The following LMX1A variants were observed in gnomAD, a reference collection of about 807,000 sequenced individuals.
The protein encoded by LMX1A is LIM homeobox transcription factor 1 alpha.
LMX1A carries 15 observed loss-of-function variants against 49.1 expected under a neutral mutation model. That is an observed-to-expected ratio of 0.31 (90% CI 0.20 to 0.47). The LOEUF (loss-of-function observed/expected upper bound fraction) is 0.47. Ranked by LOEUF, LMX1A falls within the 20% of genes least tolerant of loss-of-function variation. The pLI is 1.00. For synonymous variants in LMX1A, 167 were observed against 185.7 expected, an observed-to-expected ratio of 0.90 and a Z score of 0.82; for missense variants, 372 against 475.8, an observed-to-expected ratio of 0.78 and a Z score of 2.03.
intron 4 of LMX1A, among the ~76,000 whole-genome samples, chr1:165,226,182 CCTCT>C (rs930278982): frequency 6.6e-6 from 1 of 152,202 alleles, no homozygotes; most frequent in African/African-American, 2.4e-5. Flanking sequence ...AAGCCTCTCT[CCTCT>C]CTATCAGTGT....
At chr1:165,314,756 C>G (rs914279931) in intron 3 of LMX1A, among the ~76,000 whole-genome samples, 2 of 152,148 alleles carry the variant, frequency 1.3e-5, no homozygotes, top group African/African-American at 4.8e-5. Context: ...TTAAGCAAAA[C>G]TAGCAGTTTC....
chr1:165,322,896 C>T (rs1655464627), intron 3 of LMX1A, among the ~76,000 whole-genome samples: 1 of 152,294 alleles, frequency 6.6e-6, no homozygotes, highest in African/African-American at 2.4e-5. Flanking sequence ...ATTCCTATCC[C>T]TTTCTTTTCT....
intron 3 of LMX1A, among the ~76,000 whole-genome samples, chr1:165,268,015 A>C (rs139542532): frequency 7.2e-5 from 11 of 152,302 alleles, no homozygotes; most frequent in Admixed American, 1.3e-4. Flanking sequence ...GATAAGAATA[A>C]TTTTGTACTA....
chr1:165,221,007 A>G (rs1651821545), intron 4 of LMX1A, among the ~76,000 whole-genome samples: 1 of 152,104 alleles, frequency 6.6e-6, no homozygotes, highest in African/African-American at 2.4e-5. Context: ...CACTGTTTCT[A>G]CCACAACCCT....
chr1:165,247,482 T>C (rs545114232), intron 4 of LMX1A, among the ~76,000 whole-genome samples: 14 of 152,256 alleles, frequency 9.2e-5, no homozygotes, highest in African/African-American at 3.1e-4. Flanking sequence ...AGATACTCCA[T>C]ATGTTAGTGC....
intron 3 of LMX1A, among the ~76,000 whole-genome samples, chr1:165,299,650 T>C (rs1394461654): frequency 6.6e-6 from 1 of 151,660 alleles, no homozygotes; most frequent in East Asian, 1.9e-4. Context: ...AAATCGACCA[T>C]GAAGAAAAGT....
At chr1:165,244,132 C>G (rs1050340857) in intron 4 of LMX1A, among the ~76,000 whole-genome samples, 1 of 152,184 alleles carries the variant, frequency 6.6e-6, no homozygotes, top group African/African-American at 2.4e-5. Context: ...AGCTAGGGAA[C>G]TTCTGGATAG....
At chr1:165,216,066 A>G in intron 4 of LMX1A, 1 of 152,208 alleles carries the variant, frequency 6.6e-6, no homozygotes, top group East Asian at 1.9e-4. Flanking sequence ...GAGTTAAAGC[A>G]AGAATCCTCA....
intron 3 of LMX1A, among the ~76,000 whole-genome samples, chr1:165,322,431 T>C (rs1021140125): frequency 3.9e-5 from 6 of 152,178 alleles, no homozygotes; most frequent in Admixed American, 6.5e-5. Flanking sequence ...CCCAAATGTC[T>C]ACCAAATGAT....
At chr1:165,271,432 T>C (rs570359398) in intron 3 of LMX1A, among the ~76,000 whole-genome samples, 118 of 152,340 alleles carry the variant, frequency 7.7e-4, no homozygotes, top group Admixed American at 1.6e-3. Flanking sequence ...AAAATAGTTC[T>C]CCTATTGGTT....
chr1:165,242,153 T>C (rs931897678), intron 4 of LMX1A, among the ~76,000 whole-genome samples: 2 of 152,220 alleles, frequency 1.3e-5, no homozygotes, highest in African/African-American at 2.4e-5. Flanking sequence ...GCCTATTGCA[T>C]GCCAGGCACC....
At chr1:165,331,197 T>A (rs139041450) in intron 3 of LMX1A, among the ~76,000 whole-genome samples, 208 of 152,276 alleles carry the variant, frequency 1.4e-3, no homozygotes, top group African/African-American at 4.8e-3. Context: ...CTGACAAGGA[T>A]TTTAAAGCAT....
intron 3 of LMX1A, among the ~76,000 whole-genome samples, chr1:165,337,664 G>T (rs532883704): frequency 6.6e-6 from 1 of 152,054 alleles, no homozygotes; most frequent in Non-Finnish European, 1.5e-5. Context: ...TGATGTCCTT[G>T]GATTTTAAAA....
At chr1:165,258,471 A>G (rs916006861) in intron 3 of LMX1A, among the ~76,000 whole-genome samples, 10 of 152,136 alleles carry the variant, frequency 6.6e-5, no homozygotes, top group African/African-American at 2.2e-4. Flanking sequence ...AGGATCTTCT[A>G]TAGGAGACAG....
At chr1:165,275,328 T>C (rs990181584) in intron 3 of LMX1A, among the ~76,000 whole-genome samples, 1 of 152,226 alleles carries the variant, frequency 6.6e-6, no homozygotes, top group Non-Finnish European at 1.5e-5. Context: ...ATGGCAGTTA[T>C]TCATTAGCAA....
chr1:165,281,975 A>G (rs1043112256), intron 3 of LMX1A, among the ~76,000 whole-genome samples: 3 of 152,168 alleles, frequency 2.0e-5, no homozygotes, highest in Non-Finnish European at 4.4e-5. Context: ...CAGGTGTGAA[A>G]TGGCCAACTG....
chr1:165,229,423 C>T (rs1036504630), intron 4 of LMX1A, among the ~76,000 whole-genome samples: 1 of 152,172 alleles, frequency 6.6e-6, no homozygotes. Flanking sequence ...TCACGTGTTC[C>T]CAACTATCTC....
intron 3 of LMX1A, among the ~76,000 whole-genome samples, chr1:165,260,584 C>T (rs1449123564): frequency 6.6e-6 from 1 of 152,126 alleles, no homozygotes; most frequent in African/African-American, 2.4e-5. Flanking sequence ...CAACTGTTTC[C>T]AGCAGCACTA....
At chr1:165,283,621 C>T (rs952153011) in intron 3 of LMX1A, among the ~76,000 whole-genome samples, 1 of 152,162 alleles carries the variant, frequency 6.6e-6, no homozygotes, top group African/African-American at 2.4e-5. Context: ...GGTCACTTTA[C>T]CACATACCCT....
Sources: allele counts gnomAD v4.1 joint callset (sites outside exome capture counted in the v4.1 genomes callset), GRCh38; gene constraint gnomAD v4.1.1; transcripts MANE v1.5; gene names NCBI Gene and HGNC (gene_info 2026-07-23, HGNC 2026-07-21).